KLF12: variants seen among roughly 807,000 people sequenced by gnomAD.
The protein encoded by KLF12 is Krueppel-like factor 12.
KLF12 carries 9 observed loss-of-function variants against 37.8 expected under a neutral mutation model. That is an observed-to-expected ratio of 0.24 (90% CI 0.14 to 0.42). KLF12 has a LOEUF of 0.42. Ranked by LOEUF, KLF12 falls within the 10% of genes least tolerant of loss-of-function variation. KLF12 has a pLI of 1.00. For missense variants in KLF12, 411 were observed against 516.0 expected, an observed-to-expected ratio of 0.80 and a Z score of 1.97; for synonymous variants, 208 against 202.1, an observed-to-expected ratio of 1.03 and a Z score of -0.25.
intron 3 of KLF12, among the ~76,000 whole-genome samples, chr13:73,887,659 C>CAA (rs5804703): frequency 1.3e-3 from 191 of 151,820 alleles, no homozygotes; most frequent in East Asian, 5.2e-3. Context: ...AATAGCAATG[C>CAA]AAAAAAAGCC....
chr13:74,276,874 A>G, the KLF12 span, among the ~76,000 whole-genome samples: 1 of 152,194 alleles, frequency 6.6e-6, no homozygotes, highest in Non-Finnish European at 1.5e-5. Flanking sequence ...TTTGCTTGCA[A>G]TAGATGATTG....
chr13:74,218,182 G>T, the KLF12 span, among the ~76,000 whole-genome samples: 16 of 152,190 alleles, frequency 1.1e-4, no homozygotes, highest in African/African-American at 2.9e-4. Context: ...GAACTGAAAA[G>T]ATTAGAATGC....
At chr13:74,040,541 C>T (rs557778966) in intron 1 of KLF12, among the ~76,000 whole-genome samples, 78 of 152,076 alleles carry the variant, frequency 5.1e-4, no homozygotes, top group African/African-American at 1.8e-3. Flanking sequence ...AAACTCAGTG[C>T]CAACATCAGA....
the KLF12 span, among the ~76,000 whole-genome samples, chr13:74,271,821 C>T: frequency 2.4e-4 from 37 of 152,266 alleles, no homozygotes; most frequent in Non-Finnish European, 4.3e-4. Context: ...AAATGTTTGT[C>T]GTCTTCCTCA....
At chr13:74,305,074 C>A in the KLF12 span, among the ~76,000 whole-genome samples, 2 of 152,058 alleles carry the variant, frequency 1.3e-5, no homozygotes, top group South Asian at 2.1e-4. Flanking sequence ...TCTCCCCACT[C>A]ATTCTCTTTT....
At chr13:74,146,605 C>T in the KLF12 span, among the ~76,000 whole-genome samples, 1 of 152,138 alleles carries the variant, frequency 6.6e-6, no homozygotes, top group African/African-American at 2.4e-5. Context: ...ATTTAGTTTC[C>T]TTTGCTACAC....
chr13:74,158,824 G>T, the KLF12 span, among the ~76,000 whole-genome samples: 1 of 152,168 alleles, frequency 6.6e-6, no homozygotes, highest in Non-Finnish European at 1.5e-5. Flanking sequence ...TTTGCAATGA[G>T]TGTTCACTGA....
intron 6 of KLF12, among the ~76,000 whole-genome samples, chr13:73,727,928 C>T (rs897859748): frequency 6.6e-6 from 1 of 152,258 alleles, no homozygotes; most frequent in Non-Finnish European, 1.5e-5. Context: ...TACTCCTGAC[C>T]TCAGGTGATC....
intron 3 of KLF12, among the ~76,000 whole-genome samples, chr13:73,930,581 T>C (rs767842151): frequency 6.6e-6 from 1 of 152,194 alleles, no homozygotes; most frequent in African/African-American, 2.4e-5. Flanking sequence ...ACAGTAACAA[T>C]TGTTTTTAGT....
chr13:74,031,376 T>G (rs778783231), intron 1 of KLF12, among the ~76,000 whole-genome samples: 1 of 152,150 alleles, frequency 6.6e-6, no homozygotes, highest in East Asian at 1.9e-4. Flanking sequence ...TTGAGTGAAG[T>G]AGACAAAATC....
At chr13:74,168,219 A>G in the KLF12 span, among the ~76,000 whole-genome samples, 2 of 152,190 alleles carry the variant, frequency 1.3e-5, no homozygotes, top group Non-Finnish European at 2.9e-5. Context: ...GTTAAATGGT[A>G]TCTGTGAGCC....
At chr13:74,072,752 C>T (rs1210418065) in intron 1 of KLF12, among the ~76,000 whole-genome samples, 1 of 152,104 alleles carries the variant, frequency 6.6e-6, no homozygotes, top group African/African-American at 2.4e-5. Context: ...AAAAATAGCA[C>T]ACAATGACTA....
intron 3 of KLF12, among the ~76,000 whole-genome samples, chr13:73,940,526 CG>C (rs1436031256): frequency 6.6e-6 from 1 of 151,988 alleles, no homozygotes; most frequent in East Asian, 1.9e-4. Context: ...AATGAGAATG[CG>C]TATTTCCAAT....
the KLF12 span, among the ~76,000 whole-genome samples, chr13:74,247,394 T>C: frequency 6.6e-6 from 1 of 152,144 alleles, no homozygotes; most frequent in Non-Finnish European, 1.5e-5. Context: ...TTTGGGGGGA[T>C]CTTTGCTACT....
chr13:74,217,132 C>T, the KLF12 span, among the ~76,000 whole-genome samples: 2 of 151,904 alleles, frequency 1.3e-5, no homozygotes, highest in South Asian at 2.1e-4. Context: ...CTATTCTTTC[C>T]TTGGTTATCA....
chr13:73,809,220 T>C (rs1008998013), intron 5 of KLF12, among the ~76,000 whole-genome samples: 2 of 152,210 alleles, frequency 1.3e-5, no homozygotes, highest in African/African-American at 2.4e-5. Context: ...CTTTGAAATG[T>C]TTTCATTTTT....
chr13:73,878,030 T>C (rs1190118850), intron 3 of KLF12, among the ~76,000 whole-genome samples: 1 of 152,168 alleles, frequency 6.6e-6, no homozygotes, highest in African/African-American at 2.4e-5. Flanking sequence ...CCTTATCATA[T>C]ATAATCTAGT....
the KLF12 span, among the ~76,000 whole-genome samples, chr13:74,157,894 G>C: frequency 6.6e-6 from 1 of 152,146 alleles, no homozygotes; most frequent in East Asian, 1.9e-4. Flanking sequence ...CTCACAACCA[G>C]CCCTCTTCTC....
chr13:74,047,779 C>G (rs982062536), intron 1 of KLF12, among the ~76,000 whole-genome samples: 5 of 152,186 alleles, frequency 3.3e-5, no homozygotes, highest in African/African-American at 1.2e-4. Context: ...TTCTTAAACA[C>G]GGCTTCACCT....
Sources: allele counts gnomAD v4.1 joint callset (sites outside exome capture counted in the v4.1 genomes callset), GRCh38; gene constraint gnomAD v4.1.1; transcripts MANE v1.5; gene names NCBI Gene and HGNC (gene_info 2026-07-23, HGNC 2026-07-21).